MCTP1: variants seen among roughly 807,000 people sequenced by gnomAD.
MCTP1 encodes multiple C2 and transmembrane domain-containing protein 1.
In MCTP1, 69 loss-of-function variants were observed where a neutral mutation model predicts 120.6. The ratio of observed to expected loss-of-function variants is 0.57; its 90% confidence interval spans 0.47 to 0.70. MCTP1 has a LOEUF of 0.70. MCTP1 is among the 30% of genes least tolerant of loss of function. The pLI is 0.00. For synonymous variants in MCTP1, 529 were observed against 493.1 expected, an observed-to-expected ratio of 1.07 and a Z score of -0.96; for missense variants, 1,203 against 1,248.8, an observed-to-expected ratio of 0.96 and a Z score of 0.55.
At chr5:95,100,620 A>G (rs1262619730) in intron 1 of MCTP1, among the ~76,000 whole-genome samples, 2 of 152,230 alleles carry the variant, frequency 1.3e-5, no homozygotes, top group African/African-American at 4.8e-5. Flanking sequence ...ACTCAAGAAT[A>G]ACTGCATTAT....
intron 17 of MCTP1, among the ~76,000 whole-genome samples, chr5:94,835,990 C>A (rs192166190): frequency 2.0e-5 from 3 of 151,668 alleles, no homozygotes; most frequent in Non-Finnish European, 4.4e-5. Context: ...GGCGACAGAG[C>A]GAGACTCCAT....
At chr5:94,845,257 T>C (rs1029464139) in intron 17 of MCTP1, among the ~76,000 whole-genome samples, 7 of 152,132 alleles carry the variant, frequency 4.6e-5, no homozygotes, top group Non-Finnish European at 1.0e-4. Context: ...ACAATCATGG[T>C]AGAAGGTGAA....
chr5:95,200,541 T>A (rs546772375), intron 1 of MCTP1, among the ~76,000 whole-genome samples: 22 of 152,332 alleles, frequency 1.4e-4, no homozygotes, highest in African/African-American at 4.8e-4. Context: ...ACTTGTGTTA[T>A]TTGCAACAAC....
intron 1 of MCTP1, among the ~76,000 whole-genome samples, chr5:95,240,735 G>A (rs947948791): frequency 1.3e-5 from 2 of 152,126 alleles, no homozygotes; most frequent in African/African-American, 4.8e-5. Flanking sequence ...TTAAAACTTG[G>A]TCATGTACAC....
chr5:95,100,558 TATG>T (rs1432520874), intron 1 of MCTP1, among the ~76,000 whole-genome samples: 6 of 152,224 alleles, frequency 3.9e-5, no homozygotes, highest in Non-Finnish European at 7.3e-5. Flanking sequence ...AAGTCATCTA[TATG>T]ATAAGAATTT....
intron 17 of MCTP1, among the ~76,000 whole-genome samples, chr5:94,863,732 G>A (rs992888380): frequency 1.3e-5 from 2 of 151,834 alleles, no homozygotes; most frequent in African/African-American, 4.8e-5. Flanking sequence ...TACATGATAA[G>A]TGTACTGTAG....
intron 1 of MCTP1, among the ~76,000 whole-genome samples, chr5:95,099,384 G>A (rs1462812679): frequency 1.3e-5 from 2 of 150,912 alleles, no homozygotes; most frequent in African/African-American, 4.8e-5. Context: ...CTGACAAAGG[G>A]CTAATAGCCA....
chr5:94,728,826 C>G (rs1183247659), intron 19 of MCTP1, among the ~76,000 whole-genome samples: 2 of 152,174 alleles, frequency 1.3e-5, no homozygotes, highest in Non-Finnish European at 2.9e-5. Context: ...TCACTTCATT[C>G]ATGTCATCTC....
intron 1 of MCTP1, among the ~76,000 whole-genome samples, chr5:95,018,288 T>C (rs866839066): frequency 3.9e-5 from 6 of 152,126 alleles, no homozygotes; most frequent in African/African-American, 1.4e-4. Context: ...GGAAAGCTTT[T>C]CTTTGTGTGT....
At chr5:95,278,947 A>G (rs1760086310) in intron 1 of MCTP1, among the ~76,000 whole-genome samples, 1 of 149,984 alleles carries the variant, frequency 6.7e-6, no homozygotes, top group Admixed American at 6.7e-5. Flanking sequence ...GGGCAACAAG[A>G]GCAAAACTCC....
At chr5:94,810,489 C>A (rs1344423207) in intron 17 of MCTP1, among the ~76,000 whole-genome samples, 3 of 152,142 alleles carry the variant, frequency 2.0e-5, no homozygotes, top group African/African-American at 7.2e-5. Context: ...CCTCTGTTCT[C>A]TATACTGTGC....
Position 95,283,860 on chromosome 5 carries a change from C to T in MCTP1, c.716G>A (p.Ser239Asn), listed in dbSNP as rs1439265502. The stretch of plus-strand genomic sequence containing the variant: ...GGCCGCGCCACCGGCACTCACCTGG[C>T]TGCTGCCGTGCTCCTCGCCCGTCTC... ...APETGEEHGS[S>N]QKIINTAGTS... Residue 239 changes from serine to asparagine, a missense_variant, in exon 1 of 23, where the codon AGC (serine) becomes AAC (asparagine). Coordinates refer to ENST00000515393, the MANE Select transcript of MCTP1 (RefSeq NM_024717.7). 11 of 1,370,788 alleles carry T rather than the reference C, an allele frequency of 8.0e-6. No homozygotes were observed. The highest frequency in any genetic ancestry group is 9.3e-6 in the Non-Finnish European group (10 of 1,070,900). The allele number at this position is 1,370,788 out of a possible 1,614,324, so 84.9% of individuals were successfully genotyped here. A position where few individuals can be genotyped will look rare whatever the true frequency, so the allele number is the denominator to read the frequency against.
At chr5:94,785,511 A>G (rs2152961609) in intron 18 of MCTP1, among the ~76,000 whole-genome samples, 1 of 152,254 alleles carries the variant, frequency 6.6e-6, no homozygotes, top group Non-Finnish European at 1.5e-5. Context: ...AGGCCAAAAA[A>G]TTGAGTTGTT....
At chr5:94,902,795 G>A (rs1437171711) in intron 10 of MCTP1, among the ~76,000 whole-genome samples, 1 of 152,124 alleles carries the variant, frequency 6.6e-6, no homozygotes, top group African/African-American at 2.4e-5. Context: ...GTTAGAAGTT[G>A]TCACTGTTCA....
At chr5:94,909,168 A>G in intron 10 of MCTP1, 83 bp downstream of exon 10, 1 of 1,460,956 alleles carries the variant, frequency 6.8e-7, no homozygotes, top group South Asian at 1.2e-5. Flanking sequence ...AGTAAAGATC[A>G]TTTACAATAA....
At chr5:94,857,990 C>G (rs1374239829) in intron 17 of MCTP1, among the ~76,000 whole-genome samples, 5 of 151,640 alleles carry the variant, frequency 3.3e-5, no homozygotes, top group Non-Finnish European at 7.4e-5. Flanking sequence ...TACAATGAAG[C>G]TGGGTCACCA....
At chr5:95,174,565 T>C (rs1747744268) in intron 1 of MCTP1, among the ~76,000 whole-genome samples, 1 of 152,204 alleles carries the variant, frequency 6.6e-6, no homozygotes, top group South Asian at 2.1e-4. Flanking sequence ...ACAGAAAATG[T>C]CTGTCTCATT....
At chr5:94,790,993 C>T (rs1262669150) in intron 18 of MCTP1, among the ~76,000 whole-genome samples, 3 of 151,700 alleles carry the variant, frequency 2.0e-5, no homozygotes, top group African/African-American at 7.3e-5. Context: ...TTCAAGCGGG[C>T]CAGGCGCGGT....
intron 4 of MCTP1, among the ~76,000 whole-genome samples, chr5:94,940,480 T>C: frequency 6.7e-6 from 1 of 149,038 alleles, no homozygotes; most frequent in African/African-American, 2.4e-5. Context: ...TCAGTCTCCT[T>C]TCTATGCTCT....
Sources: gnomAD v4.1 joint callset for allele counts (sites outside exome capture counted in the v4.1 genomes callset) on GRCh38, gnomAD v4.1.1 for gene constraint, MANE v1.5 for transcripts, NCBI Gene and HGNC (gene_info 2026-07-23, HGNC 2026-07-21) for gene names.